CADM3: variants seen among roughly 807,000 people sequenced by gnomAD.
The protein encoded by CADM3 is cell adhesion molecule 3, also known as TSLC1-like 1.
A neutral mutation model predicts 44.9 loss-of-function variants in CADM3; 11 were observed. The observed-to-expected ratio is 0.25, with a 90% CI of 0.15 to 0.41. CADM3 has a LOEUF of 0.41. CADM3 is among the 10% of genes least tolerant of loss of function. CADM3 has a pLI of 1.00. For synonymous variants in CADM3, 207 were observed against 205.2 expected (o/e 1.01, Z -0.08); for missense variants, 426 against 512.0 (o/e 0.83, Z 1.62).
rs1650184346 is a variant in CADM3 at position 159,201,188 on chromosome 1, A to G, written c.*266A>G. 1 of 217,912 alleles carries G rather than the reference A, an allele frequency of 4.6e-6. No homozygotes were observed. Among genetic ancestry groups the G allele is most frequent in the South Asian group, 1.5e-4 (1 of 6,642 alleles). The allele number at this position is 217,912 out of a possible 1,614,324, so 13.5% of individuals were successfully genotyped here. ...TTGGGTTATTATTATTTTTGTAACA[A>G]TCCCAAATCAAATCTGTCTCCAGGC... On this transcript the variant is annotated 3_prime_UTR_variant, in exon 9 of 9. Coordinates refer to ENST00000368125, the MANE Select transcript of CADM3 (RefSeq NM_001127173.3).
At chr1:159,174,166 T>C (rs1648929939) in intron 1 of CADM3, among the ~76,000 whole-genome samples, 1 of 152,232 alleles carries the variant, frequency 6.6e-6, no homozygotes. Flanking sequence ...AATGGACATC[T>C]GTCTGGTGTG....
At chr1:159,186,393 C>T (rs914645424) in intron 1 of CADM3, among the ~76,000 whole-genome samples, 4 of 152,152 alleles carry the variant, frequency 2.6e-5, no homozygotes, top group Non-Finnish European at 4.4e-5. Flanking sequence ...ACCTGAGCAA[C>T]CTGGGCCTTC....
At chr1:159,196,062 G>T (rs1008362916) in intron 5 of CADM3, 6 of 320,854 alleles carry the variant, frequency 1.9e-5, no homozygotes, top group African/African-American at 1.1e-4. Context: ...TATGTGCTAG[G>T]AGGTTTGCTA....
chr1:159,178,456 T>C (rs899652817), intron 1 of CADM3: 1 of 152,182 alleles, frequency 6.6e-6, no homozygotes, highest in African/African-American at 2.4e-5. Flanking sequence ...ATGAGAGGCA[T>C]AGAAAGCAAG....
chr1:159,192,937 G>A (rs1649734110), intron 3 of CADM3, among the ~76,000 whole-genome samples: 1 of 152,144 alleles, frequency 6.6e-6, no homozygotes, highest in South Asian at 2.1e-4. Context: ...CTAGGACAAG[G>A]TTCTTACTCT....
chr1:159,192,573 C>T lies in CADM3; in HGVS notation c.230-5C>T, dbSNP rs766135173. On this transcript the variant is annotated splice_region_variant and splice_polypyrimidine_tract_variant and intron_variant, in intron 2 of 8. Transcript: ENST00000368125. ...CCTAGCTTTCCATTCTCTTGATTTC[C>T]CCAGCCCTTCGAGATAATCGAATTC... The T allele has an allele frequency of 9.9e-6, 16 of 1,614,124 alleles. No individual in the cohort carries two copies. The South Asian group carries it at 1.5e-4, about 16-fold the overall frequency.
At chr1:159,182,057 GACACACACACAC>G (rs376492660) in intron 1 of CADM3, among the ~76,000 whole-genome samples, 1 of 143,994 alleles carries the variant, frequency 6.9e-6, no homozygotes, top group Non-Finnish European at 1.5e-5. Context: ...CACACAGACA[GACACACACACAC>G]ACACACACAC....
intron 1 of CADM3, among the ~76,000 whole-genome samples, chr1:159,183,326 C>T (rs1026361268): frequency 5.3e-5 from 8 of 152,150 alleles, no homozygotes; most frequent in African/African-American, 1.9e-4. Flanking sequence ...TCACTCATAT[C>T]CTGTATGCCT....
chr1:159,189,032 G>GA (rs1271212453), intron 1 of CADM3, among the ~76,000 whole-genome samples: 5 of 152,094 alleles, frequency 3.3e-5, no homozygotes, highest in South Asian at 4.2e-4. Context: ...GTAGAGTAGG[G>GA]AAAAAAGATA....
chr1:159,198,730 C>T (rs987945877), intron 7 of CADM3, among the ~76,000 whole-genome samples: 8 of 152,064 alleles, frequency 5.3e-5, no homozygotes, highest in Non-Finnish European at 7.4e-5. Context: ...GTGCTGGGCC[C>T]GTGCGAGTCC....
In CADM3 at chr1:159,193,986, C is replaced by G; in HGVS notation, c.637C>G (p.His213Asp). The change falls in exon 5 of 9, where the codon CAT (histidine) becomes GAT (aspartate). Residue 213 changes from histidine to aspartate, a missense_variant. His to Asp is a moderately conservative substitution (Grantham distance 81). Transcript: ENST00000368125. ...DGASIVCSVN[H>D]ESLKGADRST... Reference sequence around the variant, plus strand: ...GGCGAGCATCGTGTGCTCTGTGAACCATGAATCTCTAAAGGGAGCTGACAG... The same window carrying G: ...GGCGAGCATCGTGTGCTCTGTGAACGATGAATCTCTAAAGGGAGCTGACAG... The G allele has an allele frequency of 6.2e-7, 1 of 1,614,120 alleles. No homozygotes were observed. The highest frequency in any genetic ancestry group is 8.5e-7 in the Non-Finnish European group (1 of 1,180,022).
chr1:159,173,114 G>A (rs995905689), intron 1 of CADM3, among the ~76,000 whole-genome samples: 6 of 151,908 alleles, frequency 3.9e-5, no homozygotes, highest in East Asian at 1.9e-4. Context: ...GGAGGGTGGT[G>A]GCTATGCCCG....
chr1:159,184,100 C>T (rs535131915), intron 1 of CADM3, among the ~76,000 whole-genome samples: 9 of 152,354 alleles, frequency 5.9e-5, no homozygotes, highest in African/African-American at 2.2e-4. Flanking sequence ...AAAACTGTCA[C>T]TCTGAGCATA....
Position 159,187,977 on chromosome 1 carries a change from T to C in CADM3, c.89-3959T>C, listed in dbSNP as rs574657064. Among the ~76,000 whole-genome samples, 4 of 152,002 alleles carry C rather than the reference T, an allele frequency of 2.6e-5. No individual in the cohort carries two copies. In the East Asian group the frequency reaches 7.8e-4, roughly 30 times the overall value. ...CCTCTCTTTTATCGACAGTTCCCTT[T>C]CCCGCCTTTCCTGCCTACTTCTCTC... On this transcript the variant is annotated intron_variant, in intron 1 of 8. Transcript: ENST00000368125.
At chr1:159,174,781 T>G (rs1221209672) in intron 1 of CADM3, among the ~76,000 whole-genome samples, 1 of 152,166 alleles carries the variant, frequency 6.6e-6, no homozygotes, top group African/African-American at 2.4e-5. Flanking sequence ...AATTCTGGGT[T>G]TGGAGGACAT....
chr1:159,182,079 C>G (rs1649255858), intron 1 of CADM3, among the ~76,000 whole-genome samples: 1 of 144,158 alleles, frequency 6.9e-6, no homozygotes, highest in African/African-American at 2.6e-5. Flanking sequence ...CACACACACA[C>G]ACACACACGC....
intron 1 of CADM3, chr1:159,189,953 C>T: frequency 1.1e-6 from 1 of 934,078 alleles, no homozygotes; most frequent in Non-Finnish European, 1.7e-6. Context: ...ATGTTGCCTT[C>T]ACCACATGTT....
At chr1:159,190,189 G>A (rs924743501) in intron 1 of CADM3, among the ~76,000 whole-genome samples, 3 of 152,120 alleles carry the variant, frequency 2.0e-5, no homozygotes, top group African/African-American at 7.2e-5. Context: ...TTCTTCAAAG[G>A]GAACCAGGGA....
Position 159,199,856 on chromosome 1 carries a change from A to C in CADM3, c.1058A>C (p.His353Pro). The change falls in exon 8 of 9, where the codon CAC (histidine) becomes CCC (proline). Residue 353 changes from histidine to proline, a missense_variant. By Grantham distance (77) the His-to-Pro change is moderately conservative. Transcript: ENST00000368125. ...LLLIMLIFLGHYLIRHKGTYL... is the reference protein window; with the variant it reads ...LLLIMLIFLGPYLIRHKGTYL... ...CTCATCATGCTCATCTTCCTTGGCC[A>C]CTACTTGATCCGGCACAAAGGTCAG... 6.2e-7 allele frequency: 1 copy of C among 1,613,948 alleles called. No homozygotes were observed. Among genetic ancestry groups the C allele is most frequent in the Non-Finnish European group, 8.5e-7 (1 of 1,180,002 alleles).
Sources: gnomAD v4.1 joint callset for allele counts (sites outside exome capture counted in the v4.1 genomes callset) on GRCh38, gnomAD v4.1.1 for gene constraint, MANE v1.5 for transcripts, NCBI Gene and HGNC (gene_info 2026-07-23, HGNC 2026-07-21) for gene names.